RASA3: variants seen among roughly 807,000 people sequenced by gnomAD.
RASA3 encodes the protein RAS p21 protein activator 3.
Under a neutral mutation model 110.0 loss-of-function variants are expected in RASA3, and 73 were observed. The ratio of observed to expected loss-of-function variants is 0.66; its 90% CI spans 0.55 to 0.81. RASA3 has a LOEUF of 0.81. Among genes scored for constraint, RASA3 ranks in the 30% least tolerant of loss-of-function variants. RASA3 has a pLI of 0.00. For missense variants in RASA3, 976 were observed against 1,113.2 expected, an observed-to-expected ratio of 0.88 and a Z score of 1.75; for synonymous variants, 500 against 451.4, an observed-to-expected ratio of 1.11 and a Z score of -1.37.
chr13:114,123,055 G>C (rs554627685), intron 1 of RASA3, among the ~76,000 whole-genome samples: 1 of 152,338 alleles, frequency 6.6e-6, no homozygotes, highest in Non-Finnish European at 1.5e-5. Context: ...ACACACCTTC[G>C]GTGCGTGCCC....
intron 1 of RASA3, among the ~76,000 whole-genome samples, chr13:114,100,504 C>A (rs1045586752): frequency 6.6e-6 from 1 of 152,240 alleles, no homozygotes; most frequent in Non-Finnish European, 1.5e-5. Context: ...CAGGGACCCC[C>A]GTCTGGGCCC....
Position 113,981,873 on chromosome 13 carries a change from G to C in RASA3, c.2246-15C>G. 1 of 1,611,468 alleles carries C rather than the reference G, an allele frequency of 6.2e-7. No homozygotes were observed. The highest frequency in any genetic ancestry group is 8.5e-7 in the Non-Finnish European group (1 of 1,178,994). Reference sequence around the variant, plus strand: ...CCCACAGGCCTCTGTGGAGGGCGGAGGGGTCAGCGCAGGGCAGGAGCCCAG... The same window carrying C: ...CCCACAGGCCTCTGTGGAGGGCGGACGGGTCAGCGCAGGGCAGGAGCCCAG... On this transcript the variant is annotated splice_polypyrimidine_tract_variant and intron_variant, in intron 22 of 23. Transcript: ENST00000334062.
At chr13:114,073,250 C>T (rs1275373253) in intron 2 of RASA3, among the ~76,000 whole-genome samples, 4 of 147,328 alleles carry the variant, frequency 2.7e-5, no homozygotes, top group South Asian at 2.2e-4. Context: ...ATTCCCTACA[C>T]GCGGGAAAAC....
chr13:114,103,939 C>CG (rs2080095416), intron 1 of RASA3, among the ~76,000 whole-genome samples: 1 of 82,180 alleles, frequency 1.2e-5, no homozygotes, highest in African/African-American at 4.4e-5. Context: ...TCCACGCTGC[C>CG]ACAGCCACGG....
At chr13:114,028,032 G>T in intron 5 of RASA3, 105 bp from the exon 6 acceptor site, 1 of 937,452 alleles carries the variant, frequency 1.1e-6, no homozygotes, top group Non-Finnish European at 1.6e-6. Context: ...GCTGTGAGAT[G>T]AGGTTTCCTC....
At chr13:114,124,460 C>T (rs192575218) in intron 1 of RASA3, among the ~76,000 whole-genome samples, 46 of 152,368 alleles carry the variant, frequency 3.0e-4, no homozygotes, top group Non-Finnish European at 5.4e-4. Flanking sequence ...CCGACGAGGG[C>T]GTTCCCGGGC....
intron 2 of RASA3, among the ~76,000 whole-genome samples, chr13:114,054,808 T>C (rs2139574948): frequency 6.6e-6 from 1 of 152,348 alleles, no homozygotes; most frequent in South Asian, 2.1e-4. Context: ...TGAAGGCCCA[T>C]TAGAAAGTCA....
rs924348199 is a variant in RASA3 at position 114,014,384 on chromosome 13, T to G, written c.1405+825A>C. Among the ~76,000 whole-genome samples, 4 of 152,158 alleles carry G rather than the reference T, an allele frequency of 2.6e-5. No homozygotes were observed. The highest frequency in any genetic ancestry group is 9.7e-5 in the African/African-American group (4 of 41,440). On this transcript the variant is annotated intron_variant, in intron 14 of 23. Coordinates refer to ENST00000334062, the MANE Select transcript of RASA3 (RefSeq NM_007368.4). The surrounding 1 kb of genome is among the most constrained non-coding windows in gnomAD (Gnocchi z 4.5). ...GCCGGCGCTGTCTGACTGTCTGATGTCCTGAGAATCAGGGGTGGGGACAGC... is the reference window on the plus strand; with the variant it reads ...GCCGGCGCTGTCTGACTGTCTGATGGCCTGAGAATCAGGGGTGGGGACAGC...
intron 22 of RASA3, among the ~76,000 whole-genome samples, chr13:113,988,975 C>CGTACACCCATCACTCACCCTGTCT (rs2053034646): frequency 2.1e-5 from 3 of 142,774 alleles, no homozygotes; most frequent in Non-Finnish European, 3.0e-5. Flanking sequence ...TCACCCTGTC[C>CGTACACCCATCACTCACCCTGTCT]GTACACCCAT....
chr13:113,979,173 T>A lies in RASA3; in HGVS notation c.*174A>T, dbSNP rs2052846751. On this transcript the variant is annotated 3_prime_UTR_variant, in exon 24 of 24. Coordinates refer to ENST00000334062, the MANE Select transcript of RASA3 (RefSeq NM_007368.4). ...CCAGGTGGGCTTTCTGCGGAGGGCGTGGCGGTGGTGGCAGCGGTTCTGGGA... is the reference window on the plus strand; with the variant it reads ...CCAGGTGGGCTTTCTGCGGAGGGCGAGGCGGTGGTGGCAGCGGTTCTGGGA... 4 of 625,432 alleles carry A rather than the reference T, an allele frequency of 6.4e-6. No homozygotes were observed. The highest frequency in any genetic ancestry group is 1.1e-5 in the Non-Finnish European group (4 of 351,616). The allele number at this position is 625,432 out of a possible 1,614,324, so 38.7% of individuals were successfully genotyped here. A position where few individuals can be genotyped will look rare whatever the true frequency, so the allele number is the denominator to read the frequency against.
intron 5 of RASA3, 122 bp from the exon 6 acceptor site, chr13:114,028,049 AGGCAGGGAG>A: frequency 1.3e-6 from 1 of 767,608 alleles, no homozygotes; most frequent in Non-Finnish European, 2.1e-6. Flanking sequence ...CCTCACCGGA[AGGCAGGGAG>A]GGCCACACCA....
chr13:113,992,382 C>T, intron 22 of RASA3, 103 bp downstream of exon 22: 1 of 871,714 alleles, frequency 1.1e-6, no homozygotes, highest in South Asian at 1.5e-5. Context: ...CACACTACAC[C>T]AGAGGCTCAG....
Position 114,077,937 on chromosome 13 carries a change from C to T in RASA3, c.56-4100G>A, listed in dbSNP as rs1253149089. 3 of 985,054 alleles carry T rather than the reference C, an allele frequency of 3.0e-6. No individual in the cohort carries two copies. In the African/African-American group the frequency reaches 5.3e-5, roughly 17 times the overall value. The allele number at this position is 985,054 out of a possible 1,614,324, so 61.0% of individuals were successfully genotyped here. ...ATTTCCCTGCCTCAGGCTTCTGATG[C>T]CATCACCTCCAAGGCACTGGTTTTG... On this transcript the variant is annotated intron_variant, in intron 1 of 23. Coordinates refer to ENST00000334062, the MANE Select transcript of RASA3 (RefSeq NM_007368.4).
rs771494947 is a variant in RASA3 at position 114,027,943 on chromosome 13, G to A, written c.450-16C>T. 1.9e-6 allele frequency: 3 copies of A among 1,606,112 alleles called. No individual in the cohort carries two copies. In the Admixed American group the frequency reaches 5.0e-5, roughly 27 times the overall value. The stretch of plus-strand genomic sequence containing the variant: ...CTCGACGATGCTGAGGAGAGAAGCA[G>A]AGGCGGCGTCAGGAGGGAGCGCAGA... On this transcript the variant is annotated splice_polypyrimidine_tract_variant and intron_variant, in intron 5 of 23. Transcript: ENST00000334062.
At position 114,017,369 on chromosome 13, in the gene RASA3, G is replaced by C. The variant is rs2053817626; in HGVS notation, c.1092-18C>G. On this transcript the variant is annotated intron_variant, in intron 11 of 23. Transcript: ENST00000334062. ...TGGGGTCCCTGGGAAATGGCGATGGGGACAGCGTTTGTCTCCTGGGGACGC... is the reference window on the plus strand; with the variant it reads ...TGGGGTCCCTGGGAAATGGCGATGGCGACAGCGTTTGTCTCCTGGGGACGC... The C allele has an allele frequency of 2.5e-6, 4 of 1,594,590 alleles. No individual in the cohort carries two copies. Among genetic ancestry groups the C allele is most frequent in the Non-Finnish European group, 2.6e-6 (3 of 1,162,806 alleles).
chr13:113,998,059 G>A (rs978703874), intron 20 of RASA3, among the ~76,000 whole-genome samples: 3 of 152,318 alleles, frequency 2.0e-5, no homozygotes, highest in Middle Eastern at 3.4e-3. Flanking sequence ...CAGGGGAATC[G>A]GGCTCTGAGG....
At chr13:114,039,580 G>A (rs368686152) in intron 4 of RASA3, among the ~76,000 whole-genome samples, 8 of 152,230 alleles carry the variant, frequency 5.3e-5, no homozygotes, top group Non-Finnish European at 7.3e-5. Context: ...GTTGGGCCAC[G>A]GTGCCTCTTG....
chr13:114,035,422 A>G (rs1186667822), intron 4 of RASA3, among the ~76,000 whole-genome samples: 1 of 152,190 alleles, frequency 6.6e-6, no homozygotes, highest in Non-Finnish European at 1.5e-5. Flanking sequence ...AGTGTCACCC[A>G]TGGGGCCCTG....
rs1421237924 is a variant in RASA3, at chr13:114,115,937, C to A, written c.55+16498G>T. ...AAACCCAAACGCTCTGTGAATGGGACATGTGCTCAGAGGCGTCTGCAGTTG... is the reference window on the plus strand; with the variant it reads ...AAACCCAAACGCTCTGTGAATGGGAAATGTGCTCAGAGGCGTCTGCAGTTG... On this transcript the variant is annotated intron_variant, in intron 1 of 23. Transcript: ENST00000334062. The surrounding 1 kb of genome is among the most constrained non-coding windows in gnomAD (Gnocchi z 5.0). Among the ~76,000 whole-genome samples the A allele has an allele frequency of 6.6e-6, 1 of 152,246 alleles. No homozygotes were observed. Among genetic ancestry groups the A allele is most frequent in the East Asian group, 1.9e-4 (1 of 5,206 alleles).
Sources: allele counts gnomAD v4.1 joint callset (sites outside exome capture counted in the v4.1 genomes callset), GRCh38; gene constraint gnomAD v4.1.1; non-coding constraint Gnocchi (gnomAD v3.1); transcripts MANE v1.5; gene names NCBI Gene and HGNC (gene_info 2026-07-23, HGNC 2026-07-21).